Variants in LINC00632 observed in about 807,000 individuals in gnomAD.
The protein encoded by LINC00632 is ALDOA related specific transcript.
chrX:140,729,153 G>A (rs1040537882), intron 2 of LINC00632, among the ~76,000 whole-genome samples: 1 of 110,770 alleles, frequency 9.0e-6, no homozygotes, highest in Non-Finnish European at 1.9e-5. Context: ...GTAGCACACA[G>A]AGCGGTCCTA....
chrX:140,715,843 C>G (rs1285155664), intron 2 of LINC00632, among the ~76,000 whole-genome samples: 3 of 111,188 alleles, frequency 2.7e-5, no homozygotes, highest in South Asian at 7.8e-4. Context: ...ACATACTTGC[C>G]TCACAACTCA....
At chrX:140,752,642 C>A (rs2148393567) in intron 3 of LINC00632, among the ~76,000 whole-genome samples, 1 of 112,289 alleles carries the variant, frequency 8.9e-6, no homozygotes, top group East Asian at 2.8e-4. Flanking sequence ...TTTCTCACCA[C>A]TGTGCAATTA....
exon 5 of LINC00632, among the ~76,000 whole-genome samples, chrX:140,778,399 G>A (rs946606422): frequency 9.0e-6 from 1 of 111,615 alleles, no homozygotes; most frequent in Admixed American, 9.5e-5. Flanking sequence ...GAGGTCAAGA[G>A]ATCGAGACCA....
At chrX:140,725,266 A>G (rs1930931383) in intron 2 of LINC00632, among the ~76,000 whole-genome samples, 2 of 25,789 alleles carry the variant, frequency 7.8e-5, no homozygotes, top group Non-Finnish European at 1.7e-4. Flanking sequence ...GTACACACAC[A>G]CAGTCACACA....
At chrX:140,787,747 C>T (rs1306183540) in exon 5 of LINC00632, among the ~76,000 whole-genome samples, 1 of 110,493 alleles carries the variant, frequency 9.1e-6, no homozygotes, top group Non-Finnish European at 1.9e-5. Flanking sequence ...AGAATATTTA[C>T]CAAAATGGGA....
At chrX:140,774,015 T>C (rs1271493693) in exon 4 of LINC00632, among the ~76,000 whole-genome samples, 1 of 112,533 alleles carries the variant, frequency 8.9e-6, no homozygotes, top group African/African-American at 3.2e-5. Context: ...TTTGGAAGGT[T>C]TCCTTCCAGT....
At chrX:140,766,798 G>A (rs1446707800) in intron 3 of LINC00632, among the ~76,000 whole-genome samples, 1 of 111,915 alleles carries the variant, frequency 8.9e-6, no homozygotes, top group East Asian at 2.8e-4. Context: ...AAATCTGTTC[G>A]TTATGTTTAG....
chrX:140,786,153 G>C (rs374283764), exon 5 of LINC00632, among the ~76,000 whole-genome samples: 28 of 111,889 alleles, frequency 2.5e-4, no homozygotes, highest in African/African-American at 8.7e-4. Context: ...TCCTCTATGT[G>C]ATAACAAAAA....
exon 5 of LINC00632, among the ~76,000 whole-genome samples, chrX:140,776,509 C>T (rs762435025): frequency 4.4e-5 from 5 of 113,026 alleles, no homozygotes; most frequent in South Asian, 7.2e-4. Context: ...TCCTTCCTCC[C>T]GCCACCCGCC....
intron 3 of LINC00632, among the ~76,000 whole-genome samples, chrX:140,766,830 T>C (rs1931699341): frequency 8.9e-6 from 1 of 112,345 alleles, no homozygotes; most frequent in South Asian, 3.6e-4. Flanking sequence ...AGAAATTTAA[T>C]GGAAGAGTTG....
At chrX:140,746,227 CTT>C (rs775087751) in intron 3 of LINC00632, among the ~76,000 whole-genome samples, 3 of 111,962 alleles carry the variant, frequency 2.7e-5, no homozygotes, top group Non-Finnish European at 5.6e-5. Flanking sequence ...AAAATCTACT[CTT>C]TTAACTACTT....
At chrX:140,789,433 ATTTAT>A (rs1160990324) in exon 5 of LINC00632, among the ~76,000 whole-genome samples, 1 of 110,272 alleles carries the variant, frequency 9.1e-6, no homozygotes, top group African/African-American at 3.3e-5. Flanking sequence ...ACAATCTATT[ATTTAT>A]TTAATTCTTT....
At chrX:140,787,970 C>T (rs1479509699) in exon 5 of LINC00632, among the ~76,000 whole-genome samples, 1 of 110,409 alleles carries the variant, frequency 9.1e-6, no homozygotes, top group Non-Finnish European at 1.9e-5. Context: ...GAATGTTCTA[C>T]AGCTACACAT....
chrX:140,739,859 C>T (rs1026215561), intron 3 of LINC00632, among the ~76,000 whole-genome samples: 37 of 111,084 alleles, frequency 3.3e-4, no homozygotes, highest in African/African-American at 1.2e-3. Flanking sequence ...TGATTAAATA[C>T]ACCAAGTCAT....
intron 1 of LINC00632, among the ~76,000 whole-genome samples, chrX:140,710,437 A>C (rs1450411828): frequency 9.0e-6 from 1 of 111,586 alleles, no homozygotes; most frequent in Admixed American, 9.6e-5. Context: ...GTAATAATGA[A>C]TATTATGATC....
chrX:140,723,452 C>CCACA (rs371462718), intron 2 of LINC00632, among the ~76,000 whole-genome samples: 2 of 9,438 alleles, frequency 2.1e-4, no homozygotes, highest in African/African-American at 3.1e-4. Flanking sequence ...CACACACATT[C>CCACA]CACACACACA....
intron 3 of LINC00632, among the ~76,000 whole-genome samples, chrX:140,735,820 C>T (rs1431587217): frequency 9.0e-6 from 1 of 111,614 alleles, no homozygotes; most frequent in Non-Finnish European, 1.9e-5. Context: ...CCTGCCTTGG[C>T]CTCCCAAAGT....
At chrX:140,767,728 G>A (rs1227144447) in intron 3 of LINC00632, among the ~76,000 whole-genome samples, 1 of 111,859 alleles carries the variant, frequency 8.9e-6, no homozygotes, top group African/African-American at 3.3e-5. Flanking sequence ...GATAGATAGA[G>A]GAGAGGGGAT....
At chrX:140,716,174 C>T (rs2148376390) in intron 2 of LINC00632, 1 of 111,992 alleles carries the variant, frequency 8.9e-6, no homozygotes, top group East Asian at 2.8e-4. Context: ...TGAGCTACAA[C>T]TCTGGCCTAC....
Sources: gnomAD v4.1 joint callset for allele counts (sites outside exome capture counted in the v4.1 genomes callset) on GRCh38, gnomAD v4.1.1 for gene constraint, MANE v1.5 for transcripts, NCBI Gene and HGNC (gene_info 2026-07-23, HGNC 2026-07-21) for gene names.